The following FTO variants were observed in gnomAD, a reference collection of about 807,000 sequenced individuals.
FTO encodes the protein alpha-ketoglutarate-dependent dioxygenase FTO.
FTO carries 47 observed loss-of-function variants against 63.9 expected under a neutral mutation model. The ratio of observed to expected loss-of-function variants is 0.74; its 90% CI spans 0.58 to 0.94. The LOEUF (loss-of-function observed/expected upper bound fraction) is 0.94, where lower values mean the gene tolerates loss of function less well. Among genes scored for constraint, FTO ranks in the 40% least tolerant of loss-of-function variants. FTO has a pLI of 0.00. For synonymous variants in FTO, 207 were observed against 224.4 expected, an observed-to-expected ratio of 0.92 and a Z score of 0.69; for missense variants, 562 against 618.1, an observed-to-expected ratio of 0.91 and a Z score of 0.96.
chr16:53,910,718 T>C (rs1452201120), intron 7 of FTO, among the ~76,000 whole-genome samples: 2 of 152,148 alleles, frequency 1.3e-5, no homozygotes, highest in East Asian at 3.9e-4. Context: ...GTAATTTTAG[T>C]AGAGACGAGG....
intron 8 of FTO, among the ~76,000 whole-genome samples, chr16:53,943,700 G>A (rs927678132): frequency 1.6e-4 from 24 of 152,190 alleles, no homozygotes; most frequent in African/African-American, 5.8e-4. Context: ...GCACTCAACA[G>A]TGACCAAAAT....
rs540541958 is a variant in FTO at position 53,805,357 on chromosome 16, G to A, written c.46-4783G>A. 3.3e-5 allele frequency among the ~76,000 whole-genome samples: 5 copies of A among 151,760 alleles called. No individual in the cohort carries two copies. In the South Asian group the frequency reaches 1.0e-3, roughly 32 times the overall value. ...GACAAGATATACAAGCTCAGATACA[G>A]CTTAACTTTTTCACAGTAAAGCAGA... is the stretch of plus-strand genomic sequence containing the variant. On this transcript the variant is annotated intron_variant, in intron 1 of 8. Transcript: ENST00000471389.
At chr16:54,039,326 C>G (rs1463670914) in intron 8 of FTO, 1 of 152,218 alleles carries the variant, frequency 6.6e-6, no homozygotes, top group Non-Finnish European at 1.5e-5. Flanking sequence ...TCAGAGGTGC[C>G]TATACTTCTC....
At chr16:53,846,291 C>A (rs1195381059) in intron 4 of FTO, among the ~76,000 whole-genome samples, 1 of 152,120 alleles carries the variant, frequency 6.6e-6, no homozygotes, top group Non-Finnish European at 1.5e-5. Flanking sequence ...AAAGTCCCTA[C>A]CCCATCATTG....
At chr16:53,851,788 T>G (rs1259484935) in intron 4 of FTO, among the ~76,000 whole-genome samples, 1 of 152,010 alleles carries the variant, frequency 6.6e-6, no homozygotes, top group Non-Finnish European at 1.5e-5. Flanking sequence ...AAATACTACA[T>G]GCACAAGGAA....
Position 54,018,599 on chromosome 16 carries a change from G to A in FTO, c.1364+84490G>A, listed in dbSNP as rs1006226725. 3.9e-5 allele frequency among the ~76,000 whole-genome samples: 6 copies of A among 152,276 alleles called. No homozygotes were observed. The South Asian group carries it at 1.2e-3, about 32-fold the overall frequency. ...GTGTGATGGGAGAGACCCAGTGGGA[G>A]GTAATTGAATCATGGGGGTGGTTCC... is the stretch of plus-strand genomic sequence containing the variant. On this transcript the variant is annotated intron_variant, in intron 8 of 8. Transcript: ENST00000471389.
rs1222080797 is a variant in FTO at position 54,120,015 on chromosome 16, T to C, written c.*8100T>C. The C allele has an allele frequency of 3.3e-5, 5 of 152,246 alleles. No individual in the cohort carries two copies. Among genetic ancestry groups the C allele is most frequent in the African/African-American group, 1.2e-4 (5 of 41,470 alleles). 9.4% of individuals were successfully genotyped at this position (152,246 alleles called of 1,614,324 possible). On this transcript the variant is annotated 3_prime_UTR_variant, in exon 9 of 9. Coordinates refer to ENST00000471389, the MANE Select transcript of FTO (RefSeq NM_001080432.3). Reference sequence around the variant, plus strand: ...TTTCCCTGAGCTTTCTCCCATTTCTTTGTGCCCATTAAGTGAGCTGTGCGT... The same window carrying C: ...TTTCCCTGAGCTTTCTCCCATTTCTCTGTGCCCATTAAGTGAGCTGTGCGT...
intron 1 of FTO, among the ~76,000 whole-genome samples, chr16:53,770,772 G>T (rs972590082): frequency 1.3e-5 from 2 of 152,070 alleles, no homozygotes; most frequent in African/African-American, 4.8e-5. Flanking sequence ...GAAGAAAAGT[G>T]CCCTATTTTT....
chr16:53,931,294 GTGACT>G (rs1567448523), intron 7 of FTO, among the ~76,000 whole-genome samples: 2 of 134,680 alleles, frequency 1.5e-5, no homozygotes, highest in African/African-American at 5.6e-5. Flanking sequence ...CACAAACTAT[GTGACT>G]TTTTTTTTTT....
intron 3 of FTO, among the ~76,000 whole-genome samples, chr16:53,835,391 G>T (rs752365837): frequency 3.9e-5 from 6 of 152,322 alleles, no homozygotes; most frequent in Admixed American, 6.5e-5. Flanking sequence ...TCTTCAGAAA[G>T]ATGCTTAGGA....
chr16:53,971,976 C>T (rs961932236), intron 8 of FTO, among the ~76,000 whole-genome samples: 4 of 152,118 alleles, frequency 2.6e-5, no homozygotes, highest in South Asian at 2.1e-4. Context: ...CCCCCCTTCC[C>T]TCCTTCACCA....
intron 1 of FTO, among the ~76,000 whole-genome samples, chr16:53,781,205 C>T (rs1469724470): frequency 1.3e-5 from 2 of 152,064 alleles, no homozygotes; most frequent in East Asian, 3.9e-4. Context: ...AGTAACTTAC[C>T]CAAGGCTACG....
intron 8 of FTO, among the ~76,000 whole-genome samples, chr16:53,984,555 A>G (rs1432934058): frequency 2.0e-5 from 3 of 151,866 alleles, no homozygotes; most frequent in Non-Finnish European, 2.9e-5. Flanking sequence ...TCCTGGGCTC[A>G]AGCCATCCTC....
chr16:54,058,725 T>A (rs1427842787), intron 8 of FTO, among the ~76,000 whole-genome samples: 4 of 152,104 alleles, frequency 2.6e-5, no homozygotes, highest in African/African-American at 9.7e-5. Context: ...ACTTGGCTTT[T>A]CCCCCCACCT....
chr16:53,863,412 A>G (rs2080228621), intron 4 of FTO, among the ~76,000 whole-genome samples: 1 of 152,206 alleles, frequency 6.6e-6, no homozygotes, highest in Non-Finnish European at 1.5e-5. Context: ...CTTTACTTGA[A>G]GGTGGAAGAA....
intron 8 of FTO, among the ~76,000 whole-genome samples, chr16:54,084,957 G>A (rs2086228308): frequency 6.6e-6 from 1 of 152,206 alleles, no homozygotes; most frequent in African/African-American, 2.4e-5. Flanking sequence ...CAGGCCTTGG[G>A]AAGAAAAGTC....
At chr16:53,997,414 G>A (rs1002945307) in intron 8 of FTO, among the ~76,000 whole-genome samples, 2 of 152,076 alleles carry the variant, frequency 1.3e-5, no homozygotes, top group Non-Finnish European at 2.9e-5. Flanking sequence ...AGGTGTGTTT[G>A]GGGTACTATC....
At chr16:53,931,147 A>T (rs1567448367) in intron 7 of FTO, among the ~76,000 whole-genome samples, 1 of 152,142 alleles carries the variant, frequency 6.6e-6, no homozygotes, top group African/African-American at 2.4e-5. Flanking sequence ...AAATGACTTT[A>T]AAAAATAAAC....
Position 53,760,301 on chromosome 16 carries a change from G to T in FTO, c.46-49839G>T, listed in dbSNP as rs1254842843. On this transcript the variant is annotated intron_variant, in intron 1 of 8. Coordinates refer to ENST00000471389, the MANE Select transcript of FTO (RefSeq NM_001080432.3). ...GTCTCACTTTGTCACCCAGGCTGGTGCAGTGGTGCGATCTTGGGTCACTGC... is the reference window on the plus strand; with the variant it reads ...GTCTCACTTTGTCACCCAGGCTGGTTCAGTGGTGCGATCTTGGGTCACTGC... Among the ~76,000 whole-genome samples, 3 of 150,442 alleles carry T rather than the reference G, an allele frequency of 2.0e-5. No individual in the cohort carries two copies. The East Asian group carries it at 5.8e-4, about 29-fold the overall frequency.
Sources: allele counts gnomAD v4.1 joint callset (sites outside exome capture counted in the v4.1 genomes callset), GRCh38; gene constraint gnomAD v4.1.1; transcripts MANE v1.5; gene names NCBI Gene and HGNC (gene_info 2026-07-23, HGNC 2026-07-21).